Variants in EPHA5 observed in about 807,000 individuals in gnomAD.
The protein encoded by EPHA5 is EPH receptor A5, also known as ephrin type-A receptor 5.
EPHA5 carries 60 observed loss-of-function variants against 105.0 expected under a neutral mutation model. The ratio of observed to expected loss-of-function variants is 0.57; its 90% CI spans 0.46 to 0.71. EPHA5 has a LOEUF of 0.71. EPHA5 is among the 30% of genes least tolerant of loss of function. The pLI is 0.00. For missense variants in EPHA5, 1,218 were observed against 1,274.7 expected (o/e 0.96, Z 0.68); for synonymous variants, 513 against 449.1 (o/e 1.14, Z -1.80).
intron 3 of EPHA5, among the ~76,000 whole-genome samples, chr4:65,587,889 G>T (rs1271478016): frequency 3.9e-5 from 6 of 152,054 alleles, no homozygotes; most frequent in African/African-American, 1.4e-4. Context: ...TTTCTGGGGT[G>T]CCTCCCTCTC....
intron 11 of EPHA5, among the ~76,000 whole-genome samples, chr4:65,363,762 C>G (rs554693127): frequency 6.6e-6 from 1 of 151,578 alleles, no homozygotes; most frequent in Non-Finnish European, 1.5e-5. Flanking sequence ...CTTGCTTCTA[C>G]GGTATCTATC....
At chr4:65,478,915 T>C (rs1730089586) in intron 5 of EPHA5, among the ~76,000 whole-genome samples, 1 of 152,224 alleles carries the variant, frequency 6.6e-6, no homozygotes, top group African/African-American at 2.4e-5. Context: ...ATTTTATTGG[T>C]TTACTCCTGC....
chr4:65,511,994 T>C lies in EPHA5; in HGVS notation c.911-16451A>G, dbSNP rs543993728. On this transcript the variant is annotated intron_variant, in intron 3 of 16. Transcript: ENST00000613740. ...AAAAATTCCAAAGTTTATTGAGTGC[T>C]ATGGGCTAGGCATGTGCTATTCAGG... Among the ~76,000 whole-genome samples the C allele has an allele frequency of 3.3e-5, 5 of 152,298 alleles. No individual in the cohort carries two copies. The South Asian group carries it at 1.0e-3, about 32-fold the overall frequency.
At chr4:65,448,261 G>T (rs1191755599) in intron 5 of EPHA5, among the ~76,000 whole-genome samples, 1 of 147,566 alleles carries the variant, frequency 6.8e-6, no homozygotes, top group Admixed American at 6.7e-5. Context: ...GTCAAAACAA[G>T]TAAAAAAAAA....
rs541724009 is a variant in EPHA5, at chr4:65,395,109, G to C, written c.1793+9265C>G. Among the ~76,000 whole-genome samples, 448 of 152,260 alleles carry C rather than the reference G, an allele frequency of 2.9e-3. 1 individual carries two copies. Among genetic ancestry groups the C allele is most frequent in the Non-Finnish European group, 3.5e-3 (237 of 68,004 alleles). On this transcript the variant is annotated intron_variant, in intron 8 of 16. Transcript: ENST00000613740. ...CAAAGGATTTTACTATCAAGTCATT[G>C]CTTTGACTAACATAAGAACTGTGCC...
chr4:65,642,969 G>A (rs1747798311), intron 2 of EPHA5, among the ~76,000 whole-genome samples: 2 of 151,944 alleles, frequency 1.3e-5, no homozygotes, highest in Admixed American at 1.3e-4. Flanking sequence ...ACTGATCATA[G>A]ACCTGTTAAA....
At chr4:65,572,672 T>C (rs1203355415) in intron 3 of EPHA5, among the ~76,000 whole-genome samples, 1 of 152,198 alleles carries the variant, frequency 6.6e-6, no homozygotes, top group South Asian at 2.1e-4. Flanking sequence ...TATCTGTGTA[T>C]AGAAAACTAG....
chr4:65,499,169 C>A lies in EPHA5; in HGVS notation c.911-3626G>T, dbSNP rs149003115. On this transcript the variant is annotated intron_variant, in intron 3 of 16. Coordinates refer to ENST00000613740, the MANE Select transcript of EPHA5 (RefSeq NM_001281766.3). ...AAAAGTTGTCAGAAGGAAACTTTCTCATTTTCCTACCATCAAATCTCCAAA... is the reference window on the plus strand; with the variant it reads ...AAAAGTTGTCAGAAGGAAACTTTCTAATTTTCCTACCATCAAATCTCCAAA... Among the ~76,000 whole-genome samples the A allele has an allele frequency of 5.9e-5, 9 of 151,766 alleles. No homozygotes were observed. The East Asian group carries it at 1.7e-3, about 29-fold the overall frequency.
At chr4:65,555,629 C>A (rs78992371) in intron 3 of EPHA5, among the ~76,000 whole-genome samples, 4,880 of 141,462 alleles carry the variant, frequency 0.034, 647 homozygotes, top group African/African-American at 0.14. Context: ...TCACATATTA[C>A]GTATTTTAAC....
chr4:65,338,389 T>C (rs1239210713), intron 14 of EPHA5, among the ~76,000 whole-genome samples: 1 of 152,130 alleles, frequency 6.6e-6, no homozygotes, highest in Non-Finnish European at 1.5e-5. Context: ...GTAATTCTTA[T>C]TTATTCAAAA....
intron 2 of EPHA5, among the ~76,000 whole-genome samples, chr4:65,608,036 C>A (rs1452690308): frequency 6.6e-6 from 1 of 152,054 alleles, no homozygotes; most frequent in African/African-American, 2.4e-5. Flanking sequence ...TTTTCAGGGA[C>A]GTGGATGAAG....
intron 12 of EPHA5, among the ~76,000 whole-genome samples, chr4:65,352,308 A>G (rs1423785799): frequency 1.3e-5 from 2 of 151,970 alleles, no homozygotes; most frequent in African/African-American, 4.8e-5. Context: ...TCCCTCTTAC[A>G]ATTGTTATCA....
intron 2 of EPHA5, among the ~76,000 whole-genome samples, chr4:65,642,895 TA>T (rs1382467668): frequency 6.6e-6 from 1 of 152,062 alleles, no homozygotes; most frequent in African/African-American, 2.4e-5. Flanking sequence ...TTTCTTATAA[TA>T]TTTTTTATTC....
At chr4:65,599,104 T>C (rs1374290741) in intron 3 of EPHA5, among the ~76,000 whole-genome samples, 1 of 152,116 alleles carries the variant, frequency 6.6e-6, no homozygotes, top group Non-Finnish European at 1.5e-5. Flanking sequence ...CAACAAGGTT[T>C]ACCTCTATAT....
At chr4:65,391,750 GAAATGGAGCTTTGAGC>G (rs1720734189) in intron 8 of EPHA5, among the ~76,000 whole-genome samples, 1 of 152,258 alleles carries the variant, frequency 6.6e-6, no homozygotes, top group East Asian at 1.9e-4. Context: ...CATTCTTAGA[GAAATGGAGCTTTGAGC>G]AAATGGAGCT....
intron 11 of EPHA5, among the ~76,000 whole-genome samples, chr4:65,362,932 G>A (rs961767050): frequency 9.9e-5 from 15 of 151,616 alleles, no homozygotes; most frequent in Non-Finnish European, 2.2e-4. Flanking sequence ...TAAGACTTTT[G>A]AACCAAATGA....
chr4:65,568,574 G>T (rs549583956), intron 3 of EPHA5, among the ~76,000 whole-genome samples: 28 of 150,756 alleles, frequency 1.9e-4, no homozygotes, highest in African/African-American at 6.8e-4. Context: ...TTCATCCTCT[G>T]ATATTGTGTT....
rs763833145 is a variant in EPHA5, at chr4:65,324,172, ATCT to A, written c.2990_2992del (p.Lys997del). 2.5e-6 allele frequency: 4 copies of A among 1,609,526 alleles called. No homozygotes were observed. The highest frequency in any genetic ancestry group is 1.1e-5 in the South Asian group (1 of 90,950). The stretch of plus-strand genomic sequence containing the variant: ...CTTCATTTCTTGAAGGCTGTTCATG[ATCT>A]TCTTCTGGTGACCGACAAGAGTCAC... On this transcript the variant is annotated inframe_deletion, in exon 17 of 17. Transcript: ENST00000613740.
chr4:65,433,525 G>A (rs1475274108), intron 5 of EPHA5, among the ~76,000 whole-genome samples: 1 of 152,090 alleles, frequency 6.6e-6, no homozygotes, highest in African/African-American at 2.4e-5. Flanking sequence ...TTTCAACACA[G>A]CCTTGCCAAA....
Sources: allele counts gnomAD v4.1 joint callset (sites outside exome capture counted in the v4.1 genomes callset), GRCh38; gene constraint gnomAD v4.1.1; transcripts MANE v1.5; gene names NCBI Gene and HGNC (gene_info 2026-07-23, HGNC 2026-07-21).